The following KIF6 variants were observed in gnomAD, a reference collection of about 807,000 sequenced individuals.
The protein encoded by KIF6 is kinesin-like protein KIF6.
Under a neutral mutation model 112.7 loss-of-function variants are expected in KIF6, and 106 were observed. That is an observed-to-expected ratio of 0.94 (90% confidence interval 0.80 to 1.11). The LOEUF (loss-of-function observed/expected upper bound fraction) is 1.11, where lower values mean the gene tolerates loss of function less well. Among genes scored for constraint, KIF6 ranks in the 50% least tolerant of loss-of-function variants. KIF6 has a pLI of 0.00. For missense variants in KIF6, 929 were observed against 964.0 expected (o/e 0.96, Z 0.48); for synonymous variants, 339 against 339.9 (o/e 1.00, Z 0.03).
intron 13 of KIF6, among the ~76,000 whole-genome samples, chr6:39,523,703 C>G: frequency 9.5e-6 from 1 of 104,768 alleles, no homozygotes; most frequent in South Asian, 3.5e-4. Flanking sequence ...TATATGATTA[C>G]TCTTTGAAGA....
rs866398194 is a variant in KIF6 at position 39,584,627 on chromosome 6, G to C, written c.1077+271C>G. On this transcript the variant is annotated intron_variant, in intron 9 of 22. Transcript: ENST00000287152. The stretch of plus-strand genomic sequence containing the variant: ...AGTAGGAAGAGCAAGTGGCTTTTGA[G>C]TTAGATTGCCTGCGTGTGAAGCCTG... Among the ~76,000 whole-genome samples the C allele has an allele frequency of 2.6e-4, 40 of 151,912 alleles. 1 individual carries two copies. The highest frequency in any genetic ancestry group is 8.8e-5 in the Non-Finnish European group (6 of 67,988).
chr6:39,705,839 TAC>T (rs1417236480), intron 3 of KIF6, among the ~76,000 whole-genome samples: 1 of 152,174 alleles, frequency 6.6e-6, no homozygotes, highest in Non-Finnish European at 1.5e-5. Flanking sequence ...TAAAGGACCC[TAC>T]CTTCCTTTCC....
At chr6:39,422,304 G>T (rs1162661361) in intron 14 of KIF6, among the ~76,000 whole-genome samples, 1 of 152,154 alleles carries the variant, frequency 6.6e-6, no homozygotes, top group Non-Finnish European at 1.5e-5. Flanking sequence ...ATGTGTCTGG[G>T]GGGCCTGGCA....
intron 10 of KIF6, among the ~76,000 whole-genome samples, chr6:39,555,267 T>C (rs1212645951): frequency 6.6e-6 from 1 of 152,074 alleles, no homozygotes; most frequent in Admixed American, 6.5e-5. Context: ...GCACAGAACC[T>C]AGGACCCACA....
chr6:39,718,547 C>A (rs1790004769), intron 2 of KIF6: 1 of 150,060 alleles, frequency 6.7e-6, no homozygotes. Context: ...GAGTTCAAGA[C>A]CAGCCTGGGC....
chr6:39,499,962 T>C (rs964431114), intron 13 of KIF6, among the ~76,000 whole-genome samples: 13 of 151,832 alleles, frequency 8.6e-5, no homozygotes, highest in African/African-American at 2.4e-4. Context: ...GGAAAGAAGG[T>C]GGGGAGTTGT....
intron 10 of KIF6, among the ~76,000 whole-genome samples, chr6:39,576,416 A>G (rs1780979021): frequency 6.6e-6 from 1 of 152,166 alleles, no homozygotes; most frequent in Non-Finnish European, 1.5e-5. Flanking sequence ...GAACATTGGT[A>G]GTGATTGAAT....
intron 13 of KIF6, among the ~76,000 whole-genome samples, chr6:39,519,464 T>A (rs1211458623): frequency 6.6e-6 from 1 of 152,192 alleles, no homozygotes; most frequent in Non-Finnish European, 1.5e-5. Context: ...TAATGCTGCA[T>A]GGCAGGTTTT....
At chr6:39,433,617 G>T (rs2150385118) in intron 13 of KIF6, among the ~76,000 whole-genome samples, 1 of 152,326 alleles carries the variant, frequency 6.6e-6, no homozygotes, top group South Asian at 2.1e-4. Context: ...GGTGACCACA[G>T]GTGAAGGCCA....
intron 3 of KIF6, among the ~76,000 whole-genome samples, chr6:39,707,676 C>T (rs1789295865): frequency 6.6e-6 from 1 of 152,202 alleles, no homozygotes; most frequent in African/African-American, 2.4e-5. Flanking sequence ...CTATCTTGGT[C>T]TGGAACCAGA....
chr6:39,571,010 C>A (rs1268732114), intron 10 of KIF6, among the ~76,000 whole-genome samples: 1 of 152,116 alleles, frequency 6.6e-6, no homozygotes, highest in African/African-American at 2.4e-5. Context: ...AACTCACTAC[C>A]AGTCACCCTA....
intron 14 of KIF6, among the ~76,000 whole-genome samples, chr6:39,423,929 C>A (rs1770572150): frequency 6.6e-6 from 1 of 152,160 alleles, no homozygotes; most frequent in South Asian, 2.1e-4. Flanking sequence ...GCAGGCTAGT[C>A]CCCACATTTT....
At chr6:39,657,221 G>A (rs1480242844) in intron 3 of KIF6, among the ~76,000 whole-genome samples, 15 of 145,030 alleles carry the variant, frequency 1.0e-4, no homozygotes, top group African/African-American at 3.6e-4. Flanking sequence ...CAACAAGAGC[G>A]AAACTCCATC....
At chr6:39,647,285 T>C (rs1013304871) in intron 3 of KIF6, among the ~76,000 whole-genome samples, 2 of 152,118 alleles carry the variant, frequency 1.3e-5, no homozygotes, top group African/African-American at 4.8e-5. Context: ...TTTAAGAGAA[T>C]AGTAGACTTT....
chr6:39,353,377 G>A (rs146029619), intron 19 of KIF6, among the ~76,000 whole-genome samples: 192 of 152,234 alleles, frequency 1.3e-3, no homozygotes, highest in African/African-American at 4.5e-3. Flanking sequence ...CTCTTCTTTG[G>A]TGAAGTGGCT....
intron 13 of KIF6, among the ~76,000 whole-genome samples, chr6:39,440,160 G>A (rs1581861489): frequency 6.6e-6 from 1 of 151,976 alleles, no homozygotes; most frequent in African/African-American, 2.4e-5. Flanking sequence ...GGAGATGGGG[G>A]TTTGGAACAC....
chr6:39,691,803 G>A (rs1246079817), intron 3 of KIF6: 2 of 152,212 alleles, frequency 1.3e-5, no homozygotes, highest in Non-Finnish European at 2.9e-5. Context: ...CTGCACTGGT[G>A]CCTCATCCTG....
chr6:39,635,068 T>C (rs765650635), intron 4 of KIF6, 110 bp from the exon 5 acceptor site: 86 of 661,074 alleles, frequency 1.3e-4, no homozygotes, highest in Non-Finnish European at 2.1e-4. Context: ...TCTTTTTCTC[T>C]CACTTTATAT....
chr6:39,526,895 A>C (rs1333445243), intron 13 of KIF6, among the ~76,000 whole-genome samples: 3 of 152,220 alleles, frequency 2.0e-5, no homozygotes, highest in African/African-American at 7.2e-5. Flanking sequence ...GGGTGATTTC[A>C]AAGCAGAGGT....
Sources: gnomAD v4.1 joint callset for allele counts (sites outside exome capture counted in the v4.1 genomes callset) on GRCh38, gnomAD v4.1.1 for gene constraint, MANE v1.5 for transcripts, NCBI Gene and HGNC (gene_info 2026-07-23, HGNC 2026-07-21) for gene names.